The following TGIF2 variants were observed in gnomAD, a reference collection of about 807,000 sequenced individuals.
The protein encoded by TGIF2 is homeobox protein TGIF2.
TGIF2 carries 5 observed loss-of-function variants against 15.1 expected under a neutral mutation model. That is an observed-to-expected ratio of 0.33 (90% CI 0.17 to 0.70). TGIF2 has a LOEUF of 0.70. TGIF2 is among the 30% of genes least tolerant of loss of function. The pLI, the probability that TGIF2 is intolerant of heterozygous loss-of-function variation, is 0.67. For synonymous variants in TGIF2, 131 were observed against 128.9 expected (o/e 1.02, Z -0.11); for missense variants, 264 against 302.5 (o/e 0.87, Z 0.94).
At position 36,578,791 on chromosome 20, in the gene TGIF2, T is replaced by C; in HGVS notation, c.17T>C (p.Leu6Pro). Residue 6 changes from leucine (L) to proline (P), a missense_variant, in exon 2 of 3, where the codon CTA (leucine) becomes CCA (proline). Coordinates refer to ENST00000373872, the MANE Select transcript of TGIF2 (RefSeq NM_021809.7). The part of the protein sequence containing the change: MSDSD[L>P]GEDEGLLSLA... ...CTAGGCACCATGTCGGACAGTGATC[T>C]AGGTGAGGACGAAGGCCTCCTCTCC... is the stretch of plus-strand genomic sequence containing the variant. 6.2e-7 allele frequency: 1 copy of C among 1,613,186 alleles called. No homozygotes were observed.
At position 36,591,446 on chromosome 20, in the gene TGIF2, G is replaced by A. The variant is rs1197386499; in HGVS notation, c.*15G>A. ...ATCCCCAGTAGGCATCTGCCAAGAA[G>A]GGTGCTGAAGGCTCCAGCCAGCTGT... On this transcript the variant is annotated 3_prime_UTR_variant, in exon 3 of 3. Transcript: ENST00000373872. The surrounding 1 kb of genome is among the most constrained non-coding windows in gnomAD (Gnocchi z 5.3). 2.5e-6 allele frequency: 4 copies of A among 1,581,618 alleles called. No homozygotes were observed. The Admixed American group carries it at 7.2e-5, about 29-fold the overall frequency.
chr20:36,576,827 C>A (rs1010533693), intron 1 of TGIF2, among the ~76,000 whole-genome samples: 3 of 152,022 alleles, frequency 2.0e-5, no homozygotes, highest in African/African-American at 7.3e-5. Flanking sequence ...ACCTCAGCCC[C>A]CAGAGTAGCT....
chr20:36,577,537 T>G (rs910836261), intron 1 of TGIF2, among the ~76,000 whole-genome samples: 3 of 150,682 alleles, frequency 2.0e-5, no homozygotes, highest in African/African-American at 7.3e-5. Flanking sequence ...TTTTTTTTTT[T>G]GAGATGGAGT....
chr20:36,579,013 T>C (rs1249163473), intron 2 of TGIF2, 47 bp downstream of exon 2: 1 of 1,588,600 alleles, frequency 6.3e-7, no homozygotes, highest in Admixed American at 1.7e-5. Flanking sequence ...ACCTGGGTTC[T>C]AGTCCTATTC....
In TGIF2 at chr20:36,578,808, C is replaced by T; in HGVS notation, c.34C>T (p.Leu12Phe). Residue 12 changes from leucine (L) to phenylalanine (F), a missense_variant, in exon 2 of 3, where the codon CTC (leucine) becomes TTC (phenylalanine). Coordinates refer to ENST00000373872, the MANE Select transcript of TGIF2 (RefSeq NM_021809.7). ...SDSDLGEDEG[L>F]LSLAGKRKRR... The stretch of plus-strand genomic sequence containing the variant: ...CAGTGATCTAGGTGAGGACGAAGGC[C>T]TCCTCTCCCTGGCGGGCAAAAGGAA... 1 of 1,614,030 alleles carries T rather than the reference C, an allele frequency of 6.2e-7. No individual in the cohort carries two copies. Among genetic ancestry groups the T allele is most frequent in the Non-Finnish European group, 8.5e-7 (1 of 1,179,942 alleles).
rs112197950 is a variant in TGIF2, at chr20:36,585,280, T to C, written c.193-5630T>C. Among the ~76,000 whole-genome samples the C allele has an allele frequency of 6.7e-3, 1,012 of 152,042 alleles. 12 individuals carry two copies. Among genetic ancestry groups the C allele is most frequent in the African/African-American group, 0.024 (981 of 41,500 alleles). On this transcript the variant is annotated intron_variant, in intron 2 of 2. Coordinates refer to ENST00000373872, the MANE Select transcript of TGIF2 (RefSeq NM_021809.7). ...TGGGAGGCTGAAGCGGGTGTATCAC[T>C]TGAGGCCAGGAGTTGTAGACCAGTC...
chr20:36,582,366 T>C (rs1600773933), intron 2 of TGIF2, among the ~76,000 whole-genome samples: 1 of 152,290 alleles, frequency 6.6e-6, no homozygotes, highest in East Asian at 1.9e-4. Flanking sequence ...AAAAACCACT[T>C]CTTTTTGCTT....
At chr20:36,588,070 T>TAA (rs542114970) in intron 2 of TGIF2, among the ~76,000 whole-genome samples, 20 of 131,924 alleles carry the variant, frequency 1.5e-4, no homozygotes, top group African/African-American at 4.1e-4. Context: ...ACCCTGTCTT[T>TAA]AAAAAAAAAA....
rs2038794305 is a variant in TGIF2, at chr20:36,593,018, GC to G, written c.*1588del. ...GACGGGGTTTCACCATCTTGGCCAG[GC>G]TGGTCTTGGAACTCCTGACCTCGTG... is the stretch of plus-strand genomic sequence containing the variant. On this transcript the variant is annotated 3_prime_UTR_variant, in exon 3 of 3. Coordinates refer to ENST00000373872, the MANE Select transcript of TGIF2 (RefSeq NM_021809.7). The G allele has an allele frequency of 6.6e-6, 1 of 152,496 alleles. No individual in the cohort carries two copies. Among genetic ancestry groups the G allele is most frequent in the Non-Finnish European group, 1.5e-5 (1 of 68,062 alleles). The allele number at this position is 152,496 out of a possible 1,614,324, so 9.4% of individuals were successfully genotyped here.
chr20:36,588,528 G>A (rs1161081616), intron 2 of TGIF2, among the ~76,000 whole-genome samples: 2 of 152,034 alleles, frequency 1.3e-5, no homozygotes, highest in Middle Eastern at 3.4e-3. Context: ...ACCCTGCTAA[G>A]CCCTTCCTCT....
chr20:36,582,823 G>C (rs2038573539), intron 2 of TGIF2, among the ~76,000 whole-genome samples: 1 of 152,222 alleles, frequency 6.6e-6, no homozygotes, highest in Non-Finnish European at 1.5e-5. Context: ...CTGCACACCT[G>C]TCTGGTAACT....
At chr20:36,580,773 C>T (rs958652851) in intron 2 of TGIF2, among the ~76,000 whole-genome samples, 2 of 146,356 alleles carry the variant, frequency 1.4e-5, no homozygotes, top group African/African-American at 2.6e-5. Flanking sequence ...GTGATCGCAC[C>T]ACTGCACTCC....
intron 2 of TGIF2, among the ~76,000 whole-genome samples, chr20:36,584,580 T>C (rs1873998028): frequency 1.3e-5 from 2 of 151,458 alleles, no homozygotes; most frequent in African/African-American, 2.4e-5. Flanking sequence ...ACGGAGTCAC[T>C]CTGTCGCCCA....
At chr20:36,583,871 G>A (rs150731663) in intron 2 of TGIF2, among the ~76,000 whole-genome samples, 2 of 152,038 alleles carry the variant, frequency 1.3e-5, no homozygotes, top group East Asian at 1.9e-4. Flanking sequence ...CACTCCAGCC[G>A]GGGCAACAGA....
rs1322086891 is a variant in TGIF2, at chr20:36,590,954, C to T, written c.237C>T (p.Asp79=). 6.5e-6 allele frequency: 10 copies of T among 1,527,778 alleles called. No homozygotes were observed. Among genetic ancestry groups the T allele is most frequent in the Non-Finnish European group, 7.9e-6 (9 of 1,134,850 alleles). 94.6% of individuals were successfully genotyped at this position (1,527,778 alleles called of 1,614,324 possible). A position where few individuals can be genotyped will look rare whatever the true frequency, so the allele number is the denominator to read the frequency against. ...ATGCCCGGCGGCGGCTTCTCCCAGA[C>T]ATGCTTCGGAAGGATGGCAAAGACC... is the stretch of plus-strand genomic sequence containing the variant. ...FINARRRLLP[D]MLRKDGKDPN... is the part of the protein sequence containing the mutation. Residue 79 remains aspartate (D), a synonymous_variant, in exon 3 of 3, where the codon GAC becomes GAT. Coordinates refer to ENST00000373872, the MANE Select transcript of TGIF2 (RefSeq NM_021809.7).
intron 2 of TGIF2, among the ~76,000 whole-genome samples, 189 bp downstream of exon 2, chr20:36,579,155 A>C (rs8120025): frequency 1.3e-5 from 2 of 152,098 alleles, no homozygotes; most frequent in Admixed American, 6.6e-5. Flanking sequence ...GGGTCGCTGC[A>C]GTCAATTTCA....
chr20:36,590,600 T>A (rs1361012816), intron 2 of TGIF2, among the ~76,000 whole-genome samples: 1 of 152,208 alleles, frequency 6.6e-6, no homozygotes, highest in Admixed American at 6.5e-5. Context: ...TATCTTGTTC[T>A]ATTGCCTAGA....
At chr20:36,588,838 A>G (rs1204677580) in intron 2 of TGIF2, among the ~76,000 whole-genome samples, 1 of 152,208 alleles carries the variant, frequency 6.6e-6, no homozygotes, top group Non-Finnish European at 1.5e-5. Flanking sequence ...AGAAGGACCT[A>G]GAGTGTGAAA....
At chr20:36,577,672 T>C (rs1201524410) in intron 1 of TGIF2, among the ~76,000 whole-genome samples, 2 of 151,788 alleles carry the variant, frequency 1.3e-5, no homozygotes, top group African/African-American at 2.4e-5. Flanking sequence ...CGCGCCACCA[T>C]GCCCAGCTAA....
Sources: gnomAD v4.1 joint callset for allele counts (sites outside exome capture counted in the v4.1 genomes callset) on GRCh38, gnomAD v4.1.1 for gene constraint, Gnocchi (gnomAD v3.1) non-coding constraint, MANE v1.5 for transcripts, NCBI Gene and HGNC (gene_info 2026-07-23, HGNC 2026-07-21) for gene names.